The following KALRN variants were observed in gnomAD, a reference collection of about 807,000 sequenced individuals.
KALRN encodes kalirin.
A neutral mutation model predicts 353.7 loss-of-function variants in KALRN; 70 were observed. That is an observed-to-expected ratio of 0.20 (90% CI 0.16 to 0.24). The LOEUF (loss-of-function observed/expected upper bound fraction) is 0.24, where lower values mean the gene tolerates loss of function less well. KALRN is among the 10% of genes least tolerant of loss of function. KALRN has a pLI of 1.00. For synonymous variants in KALRN, 1,391 were observed against 1,434.8 expected (o/e 0.97, Z 0.69); for missense variants, 2,791 against 3,756.7 (o/e 0.74, Z 6.72).
intron 1 of KALRN, among the ~76,000 whole-genome samples, chr3:124,057,254 C>G (rs1265577113): frequency 4.6e-5 from 7 of 152,116 alleles, no homozygotes; most frequent in Non-Finnish European, 8.8e-5. Context: ...ACTCTGTCTT[C>G]AGGTATGAGT....
intron 34 of KALRN, among the ~76,000 whole-genome samples, chr3:124,610,854 AAG>A (rs1554050353): frequency 1.3e-5 from 2 of 151,332 alleles, no homozygotes; most frequent in African/African-American, 4.9e-5. Flanking sequence ...CTACAAAAAA[AAG>A]AAAAGAAAAG....
chr3:124,151,905 G>T (rs1984815), intron 1 of KALRN: 1 of 655,144 alleles, frequency 1.5e-6, no homozygotes, highest in South Asian at 1.8e-5. Flanking sequence ...TTCAATTTGA[G>T]AGCAGGTACT....
At chr3:124,245,388 T>C (rs2081000031) in intron 3 of KALRN, among the ~76,000 whole-genome samples, 1 of 152,232 alleles carries the variant, frequency 6.6e-6, no homozygotes, top group African/African-American at 2.4e-5. Context: ...CATTCATCTG[T>C]TGATGGACAG....
intron 10 of KALRN, among the ~76,000 whole-genome samples, chr3:124,372,990 C>T (rs1054003523): frequency 2.0e-5 from 3 of 152,034 alleles, no homozygotes; most frequent in African/African-American, 4.8e-5. Flanking sequence ...CCCGCAACTC[C>T]CTCCCCCAGC....
rs529284757 is a variant in KALRN at position 124,284,856 on chromosome 3, T to C, written c.970-13935T>C. On this transcript the variant is annotated intron_variant, in intron 5 of 59. Coordinates refer to ENST00000682506, the MANE Select transcript of KALRN (RefSeq NM_001388419.1). ...AGAGACAATGATGTGAGCTTCAAGA[T>C]TGATGAATCAGTGCGAGCCCATCTT... Among the ~76,000 whole-genome samples, 6 of 152,334 alleles carry C rather than the reference T, an allele frequency of 3.9e-5. No homozygotes were observed. The South Asian group carries it at 6.2e-4, about 16-fold the overall frequency.
At chr3:124,478,862 G>A (rs1200778811) in intron 27 of KALRN, among the ~76,000 whole-genome samples, 4 of 152,030 alleles carry the variant, frequency 2.6e-5, no homozygotes, top group Non-Finnish European at 4.4e-5. Flanking sequence ...TGCTCACACC[G>A]CTCTCTCTGC....
At chr3:124,596,921 T>C (rs2076321069) in intron 34 of KALRN, among the ~76,000 whole-genome samples, 1 of 152,056 alleles carries the variant, frequency 6.6e-6, no homozygotes, top group Non-Finnish European at 1.5e-5. Context: ...TGGTGGTGCA[T>C]GCCTGTAGTC....
chr3:124,169,449 G>A (rs2071397137), intron 1 of KALRN, among the ~76,000 whole-genome samples: 1 of 152,098 alleles, frequency 6.6e-6, no homozygotes, highest in Non-Finnish European at 1.5e-5. Flanking sequence ...TTGATGTTTT[G>A]GTAGCTTTGG....
At chr3:124,622,664 A>G (rs1364444669) in intron 34 of KALRN, among the ~76,000 whole-genome samples, 1 of 152,192 alleles carries the variant, frequency 6.6e-6, no homozygotes, top group Non-Finnish European at 1.5e-5. Flanking sequence ...CTTTGGGGAC[A>G]CTAAGCTCCT....
chr3:124,177,064 G>A (rs1457324359), intron 1 of KALRN, among the ~76,000 whole-genome samples: 1 of 152,222 alleles, frequency 6.6e-6, no homozygotes, highest in African/African-American at 2.4e-5. Context: ...AAGACTAAGA[G>A]AGAGAGGGCA....
chr3:124,498,274 G>T (rs1250709215), intron 33 of KALRN, among the ~76,000 whole-genome samples: 1 of 152,180 alleles, frequency 6.6e-6, no homozygotes, highest in Non-Finnish European at 1.5e-5. Context: ...CATGTGCCAA[G>T]CTCTGTGCTG....
chr3:124,701,472 C>T (rs1056723011), intron 56 of KALRN, among the ~76,000 whole-genome samples: 5 of 149,378 alleles, frequency 3.3e-5, no homozygotes, highest in Non-Finnish European at 7.4e-5. Context: ...ATTGCAGCCT[C>T]GACCTCCTGA....
At chr3:124,326,799 A>G (rs559680365) in intron 7 of KALRN, among the ~76,000 whole-genome samples, 3 of 152,298 alleles carry the variant, frequency 2.0e-5, no homozygotes, top group African/African-American at 7.2e-5. Context: ...ATTTTTAGGA[A>G]TTTTGAGAAC....
chr3:124,566,037 T>A (rs1031358334), intron 34 of KALRN, among the ~76,000 whole-genome samples: 3 of 152,166 alleles, frequency 2.0e-5, no homozygotes, highest in Non-Finnish European at 2.9e-5. Flanking sequence ...TTCTTAAAGG[T>A]ACCAGCAGTG....
At chr3:124,643,560 C>A (rs1030669405) in intron 37 of KALRN, among the ~76,000 whole-genome samples, 12 of 152,200 alleles carry the variant, frequency 7.9e-5, no homozygotes, top group African/African-American at 2.9e-4. Context: ...CGGCTCACTG[C>A]AGCTTTGATC....
Position 124,347,795 on chromosome 3 carries a change from GGTTGAATGTGCCCAGAGAAC to G in KALRN, c.1770+531_1770+550del, listed in dbSNP as rs542387506. Among the ~76,000 whole-genome samples, 623 of 152,232 alleles carry G rather than the reference GGTTGAATGTGCCCAGAGAAC, an allele frequency of 4.1e-3. 3 individuals carry two copies. Among genetic ancestry groups the G allele is most frequent in the Non-Finnish European group, 7.1e-3 (484 of 68,016 alleles). On this transcript the variant is annotated intron_variant, in intron 10 of 59. Coordinates refer to ENST00000682506, the MANE Select transcript of KALRN (RefSeq NM_001388419.1). ...CTGCTCACCAGCCATGCGCTCACAG[GGTTGAATGTGCCCAGAGAAC>G]CTGCCTTCGTGTGATTTGTACAATA...
At chr3:124,043,725 G>A (rs1326539765) in intron 1 of KALRN, among the ~76,000 whole-genome samples, 1 of 152,152 alleles carries the variant, frequency 6.6e-6, no homozygotes, top group Admixed American at 6.5e-5. Context: ...CTCTTGGGCA[G>A]AGAAGCTAAG....
Position 124,632,442 on chromosome 3 carries a change from C to A in KALRN, c.5205C>A (p.Ser1735Arg). Residue 1735 changes from serine (S) to arginine (R), a missense_variant, in exon 35 of 60, where the codon AGC becomes AGA. Around this residue, in one of 11 missense-constraint regions of KALRN, gnomAD observed 1,065 missense variants for 1,156.4 expected, o/e 0.92. Coordinates refer to ENST00000682506, the MANE Select transcript of KALRN (RefSeq NM_001388419.1). ...CAGATGCATACTCTCATTCCTCAAG[C>A]GAGAATGGAGGCAAGTCCGAGTCCG... Reference protein sequence around the residue: ...LVKDAYSHSSSENGGKSESVA... With the variant: ...LVKDAYSHSSRENGGKSESVA... 2 of 1,613,884 alleles carry A rather than the reference C, an allele frequency of 1.2e-6. No homozygotes were observed. The highest frequency in any genetic ancestry group is 2.2e-5 in the South Asian group (2 of 91,062).
At chr3:124,694,808 G>C (rs2061976804) in intron 53 of KALRN, among the ~76,000 whole-genome samples, 1 of 152,210 alleles carries the variant, frequency 6.6e-6, no homozygotes, top group African/African-American at 2.4e-5. Flanking sequence ...GGTTTGTAAA[G>C]ACTGTGCTCC....
Sources: gnomAD v4.1 joint callset for allele counts (sites outside exome capture counted in the v4.1 genomes callset) on GRCh38, gnomAD v4.1.1 for gene constraint, gnomAD v4.1.1 regional missense constraint, MANE v1.5 for transcripts, NCBI Gene and HGNC (gene_info 2026-07-23, HGNC 2026-07-21) for gene names.